Variants in SAMD3 observed in about 807,000 individuals in gnomAD.
SAMD3 encodes the protein sterile alpha motif domain containing 3.
SAMD3 carries 63 observed loss-of-function variants against 58.5 expected under a neutral mutation model. The observed-to-expected ratio is 1.08, with a 90% CI of 0.88 to 1.33. SAMD3 has a LOEUF of 1.33. SAMD3 is among the 40% of genes most tolerant of loss of function. The probability of loss-of-function intolerance (pLI) is 0.00; values close to 1 mark genes in which losing one functional copy is unlikely to be tolerated. For synonymous variants in SAMD3, 220 were observed against 210.3 expected (o/e 1.05, Z -0.40); for missense variants, 604 against 608.4 (o/e 0.99, Z 0.08).
chr6:130,220,545 A>G (rs1796178423), intron 1 of SAMD3, among the ~76,000 whole-genome samples: 1 of 152,210 alleles, frequency 6.6e-6, no homozygotes, highest in Admixed American at 6.5e-5. Context: ...GAACTGTGCT[A>G]TTGAATTTTA....
rs542216955 is a variant in SAMD3 at position 130,237,097 on chromosome 6, T to C, written c.-187-14284A>G. Among the ~76,000 whole-genome samples, 9 of 148,798 alleles carry C rather than the reference T, an allele frequency of 6.0e-5. No individual in the cohort carries two copies. The South Asian group carries it at 1.9e-3, about 31-fold the overall frequency. On this transcript the variant is annotated intron_variant, in intron 2 of 13. Transcript: ENST00000368134. ...TAATGACTACTATGTACTACATTAATTAAAAAATAAAGCTGTGCTGATTTT... is the reference window on the plus strand; with the variant it reads ...TAATGACTACTATGTACTACATTAACTAAAAAATAAAGCTGTGCTGATTTT...
intron 5 of SAMD3, among the ~76,000 whole-genome samples, chr6:130,196,293 A>G (rs970989410): frequency 6.6e-6 from 1 of 152,058 alleles, no homozygotes; most frequent in Non-Finnish European, 1.5e-5. Flanking sequence ...CCTGATTCAT[A>G]TACTTTCTGC....
intron 1 of SAMD3, among the ~76,000 whole-genome samples, chr6:130,354,996 A>G (rs944709574): frequency 1.3e-5 from 2 of 152,198 alleles, no homozygotes; most frequent in Non-Finnish European, 2.9e-5. Context: ...AAAATGCAGA[A>G]AAAGTTTATC....
chr6:130,207,157 A>C (rs1162491367), intron 5 of SAMD3, among the ~76,000 whole-genome samples: 2 of 127,126 alleles, frequency 1.6e-5, no homozygotes, highest in Non-Finnish European at 3.3e-5. Context: ...ACCCCATCTC[A>C]TCAAAAAAAA....
chr6:130,324,718 A>G (rs1365179761), intron 1 of SAMD3, among the ~76,000 whole-genome samples: 2 of 152,120 alleles, frequency 1.3e-5, no homozygotes, highest in African/African-American at 4.8e-5. Context: ...AAATCTGAAC[A>G]TTATCCTTGA....
chr6:130,283,825 T>C (rs1247614643), intron 2 of SAMD3, among the ~76,000 whole-genome samples: 1 of 152,122 alleles, frequency 6.6e-6, no homozygotes, highest in Non-Finnish European at 1.5e-5. Flanking sequence ...AACATGTGGG[T>C]CAATATAAAG....
chr6:130,253,403 T>C (rs1278327762), intron 2 of SAMD3, among the ~76,000 whole-genome samples: 1 of 152,200 alleles, frequency 6.6e-6, no homozygotes, highest in Admixed American at 6.5e-5. Flanking sequence ...TCTTTTTCAA[T>C]AGATGAGCTT....
chr6:130,190,397 C>A (rs917466220), intron 5 of SAMD3, among the ~76,000 whole-genome samples: 3 of 151,682 alleles, frequency 2.0e-5, no homozygotes, highest in East Asian at 1.9e-4. Flanking sequence ...AACCAGATGT[C>A]GGCAAGGATT....
chr6:130,185,628 ATTT>A (rs1224222250), intron 5 of SAMD3, among the ~76,000 whole-genome samples: 6 of 132,372 alleles, frequency 4.5e-5, no homozygotes, highest in African/African-American at 5.6e-5. Flanking sequence ...CATCTGCCCA[ATTT>A]TTTTTTTTTT....
At chr6:130,290,388 G>T (rs376954416) in intron 2 of SAMD3, among the ~76,000 whole-genome samples, 3 of 152,208 alleles carry the variant, frequency 2.0e-5, no homozygotes, top group Non-Finnish European at 2.9e-5. Flanking sequence ...CTCAGTCTTT[G>T]CTCTTAATGG....
At chr6:130,149,258 C>T (rs1788914096) in intron 9 of SAMD3, among the ~76,000 whole-genome samples, 1 of 152,186 alleles carries the variant, frequency 6.6e-6, no homozygotes, top group Admixed American at 6.5e-5. Context: ...AAGCCTCCAA[C>T]ACTTATACAC....
chr6:130,258,533 G>A (rs1238956463), intron 2 of SAMD3, among the ~76,000 whole-genome samples: 5 of 152,100 alleles, frequency 3.3e-5, no homozygotes, highest in African/African-American at 9.7e-5. Context: ...TATTTAAAGT[G>A]CACAATTTGA....
intron 9 of SAMD3, among the ~76,000 whole-genome samples, chr6:130,147,793 C>T (rs532467854): frequency 1.3e-5 from 2 of 152,352 alleles, no homozygotes; most frequent in East Asian, 3.9e-4. Flanking sequence ...CCTCTCTAGT[C>T]TCCAGTCTGA....
At chr6:130,186,543 A>G (rs555628467) in intron 5 of SAMD3, among the ~76,000 whole-genome samples, 2 of 152,218 alleles carry the variant, frequency 1.3e-5, no homozygotes, top group East Asian at 1.9e-4. Context: ...CTGCAGCCCA[A>G]TCTATTTTCT....
chr6:130,154,714 A>T (rs1204978122), intron 9 of SAMD3, 111 bp downstream of exon 9: 357 of 89,532 alleles, frequency 4.0e-3, no homozygotes, highest in Middle Eastern at 0.029. Flanking sequence ...AAAAAAAAAA[A>T]AAAAATATAT....
At chr6:130,146,218 C>T in intron 9 of SAMD3, 37 bp from the exon 10 acceptor site, 2 of 1,341,818 alleles carry the variant, frequency 1.5e-6, no homozygotes, top group Non-Finnish European at 1.0e-6. Context: ...CATCAGATCA[C>T]AAGAAAAGCT....
intron 2 of SAMD3, among the ~76,000 whole-genome samples, chr6:130,238,116 T>A (rs1163337951): frequency 6.6e-6 from 1 of 152,164 alleles, no homozygotes; most frequent in African/African-American, 2.4e-5. Context: ...GTTCAAAGTA[T>A]TCCAAAGTCA....
At chr6:130,308,425 ATTCTATTCTATTCTT>A (rs1267239310) in intron 2 of SAMD3, among the ~76,000 whole-genome samples, 1 of 111,060 alleles carries the variant, frequency 9.0e-6, no homozygotes, top group Non-Finnish European at 2.1e-5. Flanking sequence ...ATTCTATTCT[ATTCTATTCTATTCTT>A]TTGTGTGTGT....
At chr6:130,349,909 G>T (rs1777598839) in intron 1 of SAMD3, among the ~76,000 whole-genome samples, 1 of 152,140 alleles carries the variant, frequency 6.6e-6, no homozygotes, top group African/African-American at 2.4e-5. Context: ...ATGCAAGGCT[G>T]GTTCAACATA....
Sources: allele counts gnomAD v4.1 joint callset (sites outside exome capture counted in the v4.1 genomes callset), GRCh38; gene constraint gnomAD v4.1.1; transcripts MANE v1.5; gene names NCBI Gene and HGNC (gene_info 2026-07-23, HGNC 2026-07-21).